Variants in STXBP5L observed in about 807,000 individuals in gnomAD.
The protein encoded by STXBP5L is syntaxin-binding protein 5-like.
In STXBP5L, 65 loss-of-function variants were observed where a neutral mutation model predicts 144.5. That is an observed-to-expected ratio of 0.45 (90% CI 0.37 to 0.55). STXBP5L has a LOEUF of 0.55. Among genes scored for constraint, STXBP5L ranks in the 20% least tolerant of loss-of-function variants. The pLI, the probability that STXBP5L is intolerant of heterozygous loss-of-function variation, is 0.00. For synonymous variants in STXBP5L, 505 were observed against 469.6 expected (o/e 1.08, Z -0.97); for missense variants, 1,298 against 1,405.5 (o/e 0.92, Z 1.22).
At chr3:121,272,394 GAC>G (rs1218737239) in intron 18 of STXBP5L, among the ~76,000 whole-genome samples, 6 of 152,090 alleles carry the variant, frequency 3.9e-5, no homozygotes, top group African/African-American at 9.7e-5. Context: ...TTTGTCTTAT[GAC>G]AGTTTTTAAC....
intron 5 of STXBP5L, among the ~76,000 whole-genome samples, chr3:121,047,453 G>A (rs534685936): frequency 6.6e-6 from 1 of 152,228 alleles, no homozygotes; most frequent in South Asian, 2.1e-4. Context: ...TCAGTAGGGT[G>A]TTGAAGTCTC....
At chr3:121,303,405 T>C (rs1011111817) in intron 19 of STXBP5L, among the ~76,000 whole-genome samples, 27 of 152,046 alleles carry the variant, frequency 1.8e-4, no homozygotes, top group Admixed American at 1.3e-4. Flanking sequence ...TGTGGAGAAA[T>C]AGGAATACTT....
At chr3:121,264,958 G>A (rs970375364) in intron 18 of STXBP5L, among the ~76,000 whole-genome samples, 2 of 152,092 alleles carry the variant, frequency 1.3e-5, no homozygotes, top group African/African-American at 4.8e-5. Flanking sequence ...CAATACAGAA[G>A]TACCCAGATT....
intron 22 of STXBP5L, among the ~76,000 whole-genome samples, chr3:121,395,745 A>G (rs1228601668): frequency 6.6e-6 from 1 of 152,212 alleles, no homozygotes; most frequent in Non-Finnish European, 1.5e-5. Flanking sequence ...CATAGCTACC[A>G]TTAAATTACT....
intron 2 of STXBP5L, among the ~76,000 whole-genome samples, chr3:120,936,832 C>T (rs984219990): frequency 6.6e-6 from 1 of 152,016 alleles, no homozygotes; most frequent in Admixed American, 6.6e-5. Flanking sequence ...TGAGCCACCA[C>T]GCCTGGCCAC....
At chr3:121,304,258 A>G (rs961801145) in intron 19 of STXBP5L, among the ~76,000 whole-genome samples, 5 of 152,194 alleles carry the variant, frequency 3.3e-5, no homozygotes, top group Non-Finnish European at 7.4e-5. Flanking sequence ...TGTCAAAACT[A>G]GAAATAGACA....
Position 121,022,656 on chromosome 3 carries a change from A to T in STXBP5L, c.288-19044A>T, listed in dbSNP as rs187811082. 1.4e-4 allele frequency among the ~76,000 whole-genome samples: 22 copies of T among 152,286 alleles called. 1 individual carries two copies. Among genetic ancestry groups the T allele is most frequent in the Admixed American group, 7.8e-4 (12 of 15,292 alleles). On this transcript the variant is annotated intron_variant, in intron 3 of 26. Coordinates refer to ENST00000471454, the MANE Select transcript of STXBP5L (RefSeq NM_001308330.2). ...CCACATAAATAGGATTAAAAACCAA[A>T]TTCACATGATCATCTCAATAGACAC...
intron 12 of STXBP5L, among the ~76,000 whole-genome samples, chr3:121,238,451 A>G (rs1254968084): frequency 6.6e-6 from 1 of 152,088 alleles, no homozygotes; most frequent in Non-Finnish European, 1.5e-5. Flanking sequence ...CATAAGCCAA[A>G]CACCTCTCAT....
chr3:121,050,727 C>T (rs1247744725), intron 5 of STXBP5L, among the ~76,000 whole-genome samples: 2 of 152,164 alleles, frequency 1.3e-5, no homozygotes, highest in African/African-American at 4.8e-5. Flanking sequence ...CAAATACACA[C>T]ATAACAATAT....
At chr3:120,995,660 G>A (rs1409180844) in intron 3 of STXBP5L, among the ~76,000 whole-genome samples, 1 of 151,500 alleles carries the variant, frequency 6.6e-6, no homozygotes, top group African/African-American at 2.4e-5. Context: ...AGTGAGGCAT[G>A]GAAACCTTAC....
intron 9 of STXBP5L, among the ~76,000 whole-genome samples, chr3:121,201,689 G>A (rs903237494): frequency 1.3e-5 from 2 of 151,720 alleles, no homozygotes; most frequent in Non-Finnish European, 1.5e-5. Context: ...CTTCCTTCAG[G>A]AGCTCTTGTA....
chr3:120,936,900 T>C (rs967189018), intron 2 of STXBP5L, among the ~76,000 whole-genome samples: 20 of 152,070 alleles, frequency 1.3e-4, no homozygotes, highest in African/African-American at 4.1e-4. Context: ...TGATGTGGTG[T>C]TGAGGTGTGG....
intron 7 of STXBP5L, among the ~76,000 whole-genome samples, chr3:121,135,602 T>A (rs1204028502): frequency 6.6e-6 from 1 of 152,186 alleles, no homozygotes; most frequent in African/African-American, 2.4e-5. Flanking sequence ...ACAGTAGGGT[T>A]CACAATCCAA....
intron 3 of STXBP5L, among the ~76,000 whole-genome samples, chr3:120,994,921 A>G (rs1437304976): frequency 2.0e-5 from 3 of 151,896 alleles, no homozygotes; most frequent in African/African-American, 7.3e-5. Context: ...TCTTTGTTGG[A>G]AGACTTTTTA....
chr3:121,317,103 T>A (rs2043813089), intron 19 of STXBP5L, among the ~76,000 whole-genome samples: 1 of 152,180 alleles, frequency 6.6e-6, no homozygotes, highest in Admixed American at 6.5e-5. Flanking sequence ...GAATGCCTAT[T>A]TCCAGATTAA....
At position 121,115,047 on chromosome 3, in the gene STXBP5L, A is replaced by C; in HGVS notation, c.593A>C (p.Lys198Thr). The C allele has an allele frequency of 1.9e-6, 3 of 1,601,972 alleles. No homozygotes were observed. The highest frequency in any genetic ancestry group is 2.6e-6 in the Non-Finnish European group (3 of 1,176,190). The change falls in exon 6 of 27, where the codon AAG becomes ACG. Residue 198 changes from lysine (K) to threonine (T), a missense_variant. Physicochemically the swap from Lys to Thr is moderately conservative, Grantham distance 78. Coordinates refer to ENST00000471454, the MANE Select transcript of STXBP5L (RefSeq NM_001308330.2). ...TCTGGATATGTTATCATGTGGAACAAGGCAATTGAACTGTAAGTTTGAACT... is the reference window on the plus strand; with the variant it reads ...TCTGGATATGTTATCATGTGGAACACGGCAATTGAACTGTAAGTTTGAACT... ...ILSGYVIMWN[K>T]AIELSTKTHP...
chr3:121,291,196 G>A (rs1479041381), intron 19 of STXBP5L, among the ~76,000 whole-genome samples: 1 of 152,114 alleles, frequency 6.6e-6, no homozygotes, highest in Non-Finnish European at 1.5e-5. Flanking sequence ...AGTGAATTTA[G>A]TAAAGTTTCA....
chr3:121,197,251 G>A (rs554266084), intron 9 of STXBP5L, among the ~76,000 whole-genome samples: 4 of 152,048 alleles, frequency 2.6e-5, no homozygotes, highest in East Asian at 1.9e-4. Context: ...TGATCAAAGC[G>A]TGTCTCCTGT....
At chr3:121,378,394 A>G (rs1379615200) in intron 20 of STXBP5L, among the ~76,000 whole-genome samples, 2 of 152,168 alleles carry the variant, frequency 1.3e-5, no homozygotes, top group African/African-American at 2.4e-5. Flanking sequence ...AAGTACTTTC[A>G]TTGTATATTT....
Sources: gnomAD v4.1 joint callset for allele counts (sites outside exome capture counted in the v4.1 genomes callset) on GRCh38, gnomAD v4.1.1 for gene constraint, MANE v1.5 for transcripts, NCBI Gene and HGNC (gene_info 2026-07-23, HGNC 2026-07-21) for gene names.